The following SMAP1 variants were observed in gnomAD, a reference collection of about 807,000 sequenced individuals.
The protein encoded by SMAP1 is stromal membrane-associated protein 1.
A neutral mutation model predicts 58.5 loss-of-function variants in SMAP1; 24 were observed. The observed-to-expected ratio is 0.41, with a 90% confidence interval of 0.30 to 0.58. SMAP1 has a LOEUF of 0.58. Among genes scored for constraint, SMAP1 ranks in the 20% least tolerant of loss-of-function variants. SMAP1 has a pLI of 0.29. For missense variants in SMAP1, 563 were observed against 566.3 expected (o/e 0.99, Z 0.06); for synonymous variants, 216 against 196.6 (o/e 1.10, Z -0.82).
At chr6:70,744,773 A>G (rs549235931) in intron 2 of SMAP1, among the ~76,000 whole-genome samples, 1 of 152,296 alleles carries the variant, frequency 6.6e-6, no homozygotes, top group South Asian at 2.1e-4. Flanking sequence ...GGTTGAACTA[A>G]TTTACAGTCC....
At chr6:70,834,356 T>C (rs1770481429) in intron 6 of SMAP1, among the ~76,000 whole-genome samples, 1 of 141,194 alleles carries the variant, frequency 7.1e-6, no homozygotes, top group South Asian at 2.4e-4. Context: ...TGGAAGAAGA[T>C]TCAGTAAAAT....
chr6:70,843,945 T>A (rs1025577783), intron 7 of SMAP1, among the ~76,000 whole-genome samples: 1 of 152,096 alleles, frequency 6.6e-6, no homozygotes, highest in African/African-American at 2.4e-5. Flanking sequence ...GAGAAGGGAC[T>A]CAAAAATTAT....
chr6:70,738,800 A>C (rs1765711813), intron 2 of SMAP1, among the ~76,000 whole-genome samples: 1 of 152,156 alleles, frequency 6.6e-6, no homozygotes, highest in Non-Finnish European at 1.5e-5. Flanking sequence ...AACTACAGGC[A>C]CTACTTATGT....
At chr6:70,696,271 TTTC>T (rs1169068661) in intron 1 of SMAP1, among the ~76,000 whole-genome samples, 1 of 152,164 alleles carries the variant, frequency 6.6e-6, no homozygotes, top group Admixed American at 6.5e-5. Flanking sequence ...ATATTTATTA[TTTC>T]TTTTCTTCTA....
intron 1 of SMAP1, among the ~76,000 whole-genome samples, chr6:70,729,493 G>GTGTGTGTGTGTGTGTGTA (rs1554194431): frequency 6.7e-6 from 1 of 148,452 alleles, no homozygotes; most frequent in African/African-American, 2.5e-5. Context: ...GTGTGTGTGT[G>GTGTGTGTGTGTGTGTGTA]TATGTGTGTA....
At chr6:70,744,387 T>C (rs1023615951) in intron 2 of SMAP1, among the ~76,000 whole-genome samples, 5 of 152,012 alleles carry the variant, frequency 3.3e-5, no homozygotes, top group African/African-American at 7.2e-5. Context: ...GGTGATCTCA[T>C]TGTTCAATTC....
At chr6:70,768,803 TG>T (rs1328775841) in intron 3 of SMAP1, among the ~76,000 whole-genome samples, 1 of 152,212 alleles carries the variant, frequency 6.6e-6, no homozygotes, top group Non-Finnish European at 1.5e-5. Flanking sequence ...CTTTTGAATG[TG>T]TTTGCTCTTG....
intron 1 of SMAP1, chr6:70,668,807 A>AATTCCTCTTCATTCT: frequency 7.0e-7 from 1 of 1,420,344 alleles, no homozygotes; most frequent in Non-Finnish European, 9.5e-7. Flanking sequence ...GCCAGAATGA[A>AATTCCTCTTCATTCT]GAGGAATTTC....
intron 2 of SMAP1, among the ~76,000 whole-genome samples, chr6:70,741,488 A>G (rs566127543): frequency 1.3e-5 from 2 of 152,314 alleles, no homozygotes; most frequent in African/African-American, 4.8e-5. Context: ...GTGGGTTCCT[A>G]TGGCCTTGGG....
intron 6 of SMAP1, among the ~76,000 whole-genome samples, chr6:70,824,548 A>C (rs148969098): frequency 1.2e-4 from 18 of 152,252 alleles, no homozygotes; most frequent in East Asian, 5.8e-4. Flanking sequence ...AAAATTTTAC[A>C]TTCTTAATAT....
chr6:70,817,772 C>G (rs1318443023), intron 6 of SMAP1, among the ~76,000 whole-genome samples: 1 of 152,040 alleles, frequency 6.6e-6, no homozygotes, highest in African/African-American at 2.4e-5. Context: ...TCCCTGAAAA[C>G]CAGGTAGAAG....
intron 1 of SMAP1, among the ~76,000 whole-genome samples, chr6:70,728,108 C>G (rs903839962): frequency 2.6e-5 from 4 of 152,056 alleles, no homozygotes; most frequent in Non-Finnish European, 5.9e-5. Context: ...GTTTATTTCT[C>G]CTTCACATTG....
intron 1 of SMAP1, among the ~76,000 whole-genome samples, chr6:70,700,326 A>G (rs1341423978): frequency 1.3e-5 from 2 of 152,212 alleles, no homozygotes; most frequent in Non-Finnish European, 2.9e-5. Context: ...CTTTTCAGAC[A>G]GTCTCACTGT....
chr6:70,686,574 AAC>A (rs1033595611), intron 1 of SMAP1, among the ~76,000 whole-genome samples: 9 of 152,308 alleles, frequency 5.9e-5, no homozygotes, highest in African/African-American at 1.7e-4. Flanking sequence ...TTTTTGAAAA[AAC>A]ACACATTTCT....
chr6:70,697,309 C>CT (rs1225213485), intron 1 of SMAP1, among the ~76,000 whole-genome samples: 6,992 of 142,480 alleles, frequency 0.049, 503 homozygotes, highest in African/African-American at 0.16. Flanking sequence ...TCCTTTATTC[C>CT]TTTTTTTTTT....
Position 70,860,333 on chromosome 6 carries a change from G to A in SMAP1, c.1403G>A (p.Ter468=). 6.2e-7 allele frequency: 1 copy of A among 1,604,722 alleles called. No homozygotes were observed. The highest frequency in any genetic ancestry group is 8.5e-7 in the Non-Finnish European group (1 of 1,176,948). The change falls in exon 11 of 11, where the codon TGA becomes TAA. Residue 468 remains the stop codon, a stop_retained_variant. Coordinates refer to ENST00000370455, the MANE Select transcript of SMAP1 (RefSeq NM_001044305.3). Reference sequence around the variant, plus strand: ...ACTCTCAGCACACAACTGTGGAAATGAAAACTGCAATACAAGTTTCATCCA... The same window carrying A: ...ACTCTCAGCACACAACTGTGGAAATAAAAACTGCAATACAAGTTTCATCCA... ...GQTLSTQLWK[*]
rs66981900 is a variant in SMAP1 at position 70,682,170 on chromosome 6, ATTTTTTTTTTTTTTT to A, written c.118+14051_118+14065del. On this transcript the variant is annotated intron_variant, in intron 1 of 10. Transcript: ENST00000370455. Reference sequence around the variant, plus strand: ...GGATTTAAGGTTATTCTCTGCACAGATTTTTTTTTTTTTTTTTTTTTTTTTTTTTTTTTTTTGAGA... The same window carrying A: ...GGATTTAAGGTTATTCTCTGCACAGATTTTTTTTTTTTTTTTTTTTTGAGA... Among the ~76,000 whole-genome samples, 779 of 95,898 alleles carry A rather than the reference ATTTTTTTTTTTTTTT, an allele frequency of 8.1e-3. 13 individuals are homozygous for A. Among genetic ancestry groups the A allele is most frequent in the East Asian group, 0.041 (116 of 2,828 alleles). 62.9% of individuals were successfully genotyped at this position (95,898 alleles called of 152,430 possible). A position where few individuals can be genotyped will look rare whatever the true frequency, so the allele number is the denominator to read the frequency against.
rs1365721434 is a variant in SMAP1, at chr6:70,858,005, G to A, written c.1045G>A (p.Val349Met). 1.2e-6 allele frequency: 2 copies of A among 1,614,160 alleles called. No homozygotes were observed. The highest frequency in any genetic ancestry group is 1.7e-5 in the Admixed American group (1 of 60,028). The change falls in exon 10 of 11, where the codon GTG (valine) becomes ATG (methionine). Residue 349 changes from valine (V) to methionine (M), a missense_variant. Transcript: ENST00000370455. Reference protein sequence around the residue: ...FQGFPSMGVPVPAAPGLIGNV... With the variant: ...FQGFPSMGVPMPAAPGLIGNV... ...GGGCTTTCCATCGATGGGCGTGCCT[G>A]TGCCTGCAGCTCCTGGCCTTATAGG...
intron 6 of SMAP1, among the ~76,000 whole-genome samples, chr6:70,829,887 T>C (rs1770287956): frequency 1.3e-5 from 2 of 152,198 alleles, no homozygotes; most frequent in African/African-American, 2.4e-5. Flanking sequence ...TCAGCTGTTA[T>C]GTCTGTTATT....
Sources: allele counts gnomAD v4.1 joint callset (sites outside exome capture counted in the v4.1 genomes callset), GRCh38; gene constraint gnomAD v4.1.1; transcripts MANE v1.5; gene names NCBI Gene and HGNC (gene_info 2026-07-23, HGNC 2026-07-21).